METTL25: variants seen among roughly 807,000 people sequenced by gnomAD.
METTL25 encodes methyltransferase like 25, also known as probable methyltransferase-like protein 25.
A neutral mutation model predicts 71.6 loss-of-function variants in METTL25; 64 were observed. The ratio of observed to expected loss-of-function variants is 0.89; its 90% CI spans 0.73 to 1.10. The LOEUF (loss-of-function observed/expected upper bound fraction) is 1.10, where lower values mean the gene tolerates loss of function less well. METTL25 is among the 50% of genes least tolerant of loss of function. The pLI is 0.00. For missense variants in METTL25, 807 were observed against 707.0 expected (o/e 1.14, Z -1.60); for synonymous variants, 287 against 250.3 (o/e 1.15, Z -1.38).
chr12:82,405,319 A>G (rs1224311345), intron 5 of METTL25, among the ~76,000 whole-genome samples: 5 of 152,172 alleles, frequency 3.3e-5, no homozygotes, highest in Non-Finnish European at 7.3e-5. Flanking sequence ...TGTCTTTCCT[A>G]ACATATTTAA....
At chr12:82,363,254 C>T (rs1423308361) in intron 1 of METTL25, among the ~76,000 whole-genome samples, 1 of 152,226 alleles carries the variant, frequency 6.6e-6, no homozygotes, top group Non-Finnish European at 1.5e-5. Context: ...AGAGCTTCCC[C>T]TGGCTAGAGA....
intron 5 of METTL25, among the ~76,000 whole-genome samples, chr12:82,411,614 T>A: frequency 6.6e-6 from 1 of 152,094 alleles, no homozygotes; most frequent in Non-Finnish European, 1.5e-5. Context: ...AGGTATTTGA[T>A]GAGACATCTC....
intron 1 of METTL25, among the ~76,000 whole-genome samples, chr12:82,363,528 A>C (rs773054109): frequency 2.6e-5 from 4 of 152,186 alleles, no homozygotes; most frequent in Non-Finnish European, 5.9e-5. Context: ...ACCACCAGAC[A>C]GTGGGTAAAT....
intron 5 of METTL25, among the ~76,000 whole-genome samples, chr12:82,424,854 T>C (rs1888870908): frequency 6.6e-6 from 1 of 151,896 alleles, no homozygotes; most frequent in African/African-American, 2.4e-5. Context: ...TGACAAGGAT[T>C]GCTAGTAATC....
intron 5 of METTL25, 28 bp from the exon 6 acceptor site, chr12:82,430,865 A>C (rs757975044): frequency 1.1e-5 from 13 of 1,163,230 alleles, no homozygotes. Context: ...TTTTATTTAA[A>C]TAATCCGTAT....
intron 1 of METTL25, among the ~76,000 whole-genome samples, chr12:82,381,105 G>A (rs551718740): frequency 3.3e-5 from 5 of 152,246 alleles, no homozygotes; most frequent in Admixed American, 2.6e-4. Flanking sequence ...ATAGACAATC[G>A]TAAGTTATAA....
chr12:82,380,395 C>G (rs1178698702), intron 1 of METTL25, among the ~76,000 whole-genome samples: 2 of 151,128 alleles, frequency 1.3e-5, no homozygotes, highest in Non-Finnish European at 2.9e-5. Context: ...CAAACCTGCA[C>G]ATGCATCCCG....
intron 6 of METTL25, among the ~76,000 whole-genome samples, chr12:82,433,097 A>C (rs1889647713): frequency 6.6e-6 from 1 of 151,602 alleles, no homozygotes; most frequent in South Asian, 2.1e-4. Flanking sequence ...TGTTTGCAAA[A>C]CACTTTGTAA....
chr12:82,386,714 C>T (rs1238746885), intron 1 of METTL25, 89 bp from the exon 2 acceptor site: 8 of 1,047,514 alleles, frequency 7.6e-6, no homozygotes, highest in Non-Finnish European at 1.1e-5. Context: ...ATTTGTTATA[C>T]AAATTAAGTG....
At chr12:82,416,154 G>T (rs1887965485) in intron 5 of METTL25, among the ~76,000 whole-genome samples, 1 of 152,038 alleles carries the variant, frequency 6.6e-6, no homozygotes, top group African/African-American at 2.4e-5. Context: ...TAATCATCGT[G>T]CTGTGATTTT....
rs182970994 is a variant in METTL25, at chr12:82,361,741, C to A, written c.259+2917C>A. Among the ~76,000 whole-genome samples, 1,216 of 152,284 alleles carry A rather than the reference C, an allele frequency of 8.0e-3. 14 individuals are homozygous for A. The highest frequency in any genetic ancestry group is 0.028 in the African/African-American group (1,147 of 41,570). ...TGGGCCTGCCAAGCCCACAACCACC[C>A]GGAACTCGCGCTGGCCAGCAAGCGT... On this transcript the variant is annotated intron_variant, in intron 1 of 11. Transcript: ENST00000248306.
At chr12:82,381,292 C>G (rs902516052) in intron 1 of METTL25, among the ~76,000 whole-genome samples, 22 of 152,146 alleles carry the variant, frequency 1.4e-4, no homozygotes, top group African/African-American at 4.3e-4. Context: ...TTACATTTTT[C>G]TATTTTTACA....
At chr12:82,433,786 A>G (rs1252359188) in intron 6 of METTL25, among the ~76,000 whole-genome samples, 2 of 151,608 alleles carry the variant, frequency 1.3e-5, no homozygotes, top group Admixed American at 6.6e-5. Flanking sequence ...TTATGAAAAT[A>G]TAAAAACCTG....
intron 9 of METTL25, among the ~76,000 whole-genome samples, chr12:82,475,604 G>T (rs1218699843): frequency 6.6e-6 from 1 of 151,922 alleles, no homozygotes; most frequent in Non-Finnish European, 1.5e-5. Context: ...ATTTTATCCA[G>T]CCTTTCATTT....
intron 11 of METTL25, among the ~76,000 whole-genome samples, chr12:82,477,733 A>C (rs183893417): frequency 3.3e-5 from 5 of 151,750 alleles, no homozygotes; most frequent in Non-Finnish European, 7.4e-5. Context: ...AGTGTTGGCC[A>C]TATGGATTCT....
At chr12:82,411,404 A>G (rs1439929477) in intron 5 of METTL25, among the ~76,000 whole-genome samples, 1 of 152,066 alleles carries the variant, frequency 6.6e-6, no homozygotes, top group Non-Finnish European at 1.5e-5. Context: ...TGTATATGAT[A>G]GGAAACACTA....
In METTL25 at chr12:82,449,307, C is replaced by A. The variant is rs116307651; in HGVS notation, c.1479-7420C>A. On this transcript the variant is annotated intron_variant, in intron 8 of 11. Coordinates refer to ENST00000248306, the MANE Select transcript of METTL25 (RefSeq NM_032230.3). ...ATAATTCTTTATGCCCAAACCTAAACTATTATTGTGGCATTCAAGGCCATT... is the reference window on the plus strand; with the variant it reads ...ATAATTCTTTATGCCCAAACCTAAAATATTATTGTGGCATTCAAGGCCATT... 3.7e-3 allele frequency among the ~76,000 whole-genome samples: 566 copies of A among 152,252 alleles called. 3 individuals carry two copies. Among genetic ancestry groups the A allele is most frequent in the African/African-American group, 0.013 (541 of 41,558 alleles).
intron 1 of METTL25, chr12:82,374,035 T>G (rs1010075240): frequency 1.9e-4 from 30 of 157,760 alleles, no homozygotes; most frequent in Admixed American, 1.9e-3. Context: ...CGGTGGGTTC[T>G]TGGTCTCACT....
chr12:82,372,985 C>T (rs542622601), intron 1 of METTL25, among the ~76,000 whole-genome samples: 3 of 152,246 alleles, frequency 2.0e-5, no homozygotes, highest in South Asian at 2.1e-4. Flanking sequence ...CAAGGAGGAC[C>T]GAGGAAGGTC....
Sources: gnomAD v4.1 joint callset for allele counts (sites outside exome capture counted in the v4.1 genomes callset) on GRCh38, gnomAD v4.1.1 for gene constraint, MANE v1.5 for transcripts, NCBI Gene and HGNC (gene_info 2026-07-23, HGNC 2026-07-21) for gene names.